The following BICD1 variants were observed in gnomAD, a reference collection of about 807,000 sequenced individuals.
BICD1 encodes the protein BICD cargo adaptor 1.
In BICD1, 35 loss-of-function variants were observed where a neutral mutation model predicts 92.5. The observed-to-expected ratio is 0.38, with a 90% CI of 0.29 to 0.50. The LOEUF is 0.50. BICD1 is among the 20% of genes least tolerant of loss of function. The pLI is 0.93. For missense variants in BICD1, 950 were observed against 1,189.8 expected (o/e 0.80, Z 2.97); for synonymous variants, 429 against 465.1 (o/e 0.92, Z 1.00).
At chr12:32,305,555 A>C in intron 3 of BICD1, 142 bp from the exon 4 acceptor site, 1 of 649,160 alleles carries the variant, frequency 1.5e-6, no homozygotes, top group Non-Finnish European at 2.5e-6. Flanking sequence ...AACTTTAAGG[A>C]TATATTGTGT....
intron 1 of BICD1, among the ~76,000 whole-genome samples, chr12:32,209,741 G>T (rs1592480381): frequency 9.7e-6 from 1 of 102,780 alleles, no homozygotes; most frequent in Admixed American, 9.1e-5. Flanking sequence ...CAGGTTCTAG[G>T]TCACTCCCTC....
chr12:32,107,587 C>T, intron 1 of BICD1, 43 bp downstream of exon 1: 2 of 1,538,246 alleles, frequency 1.3e-6, no homozygotes, highest in South Asian at 1.2e-5. Flanking sequence ...CCTCACTCCC[C>T]CCACCCGCAA....
Position 32,106,962 on chromosome 12 carries a change from A to C in BICD1, c.-370A>C. On this transcript the variant is annotated 5_prime_UTR_variant, in exon 1 of 10. An upstream start codon of the reference 5' UTR is lost. Transcript: ENST00000652176. The stretch of plus-strand genomic sequence containing the variant: ...ACTGCAGTGACGCGGCCCGGGAGAC[A>C]TGGCGGACGGGCGTCTCTGAATAAG... 1 of 234,870 alleles carries C rather than the reference A, an allele frequency of 4.3e-6. No homozygotes were observed. 14.5% of individuals were successfully genotyped at this position (234,870 alleles called of 1,614,324 possible). A position where few individuals can be genotyped will look rare whatever the true frequency, so the allele number is the denominator to read the frequency against.
At chr12:32,237,604 T>G (rs12319221) in intron 2 of BICD1, among the ~76,000 whole-genome samples, 11,238 of 152,186 alleles carry the variant, frequency 0.074, 1,394 homozygotes, top group African/African-American at 0.25. Flanking sequence ...CATTGAACAT[T>G]CTAAAAATCC....
intron 1 of BICD1, among the ~76,000 whole-genome samples, chr12:32,166,881 A>G (rs1017904942): frequency 3.9e-5 from 6 of 152,232 alleles, no homozygotes; most frequent in Non-Finnish European, 7.3e-5. Context: ...TGAAAATTGA[A>G]TAAGAAAACA....
At chr12:32,296,246 GTTT>G (rs373702037) in intron 3 of BICD1, among the ~76,000 whole-genome samples, 35 of 108,668 alleles carry the variant, frequency 3.2e-4, no homozygotes, top group African/African-American at 1.1e-3. Flanking sequence ...ATAAGAAGGG[GTTT>G]TTTTTTGTTT....
chr12:32,220,568 G>A (rs1486690613), intron 2 of BICD1, among the ~76,000 whole-genome samples: 2 of 150,764 alleles, frequency 1.3e-5, no homozygotes, highest in Non-Finnish European at 3.0e-5. Context: ...CAATTAGAAT[G>A]GCAATCATTA....
chr12:32,174,380 G>T (rs1440598399), intron 1 of BICD1, among the ~76,000 whole-genome samples: 2 of 152,006 alleles, frequency 1.3e-5, no homozygotes, highest in African/African-American at 4.8e-5. Context: ...ACATACACCT[G>T]TAGTCCCAAC....
chr12:32,198,284 T>C lies in BICD1; in HGVS notation c.214-17963T>C, dbSNP rs998868536. Among the ~76,000 whole-genome samples the C allele has an allele frequency of 7.6e-5, 11 of 144,216 alleles. No homozygotes were observed. The South Asian group carries it at 2.4e-3, about 31-fold the overall frequency. 94.6% of individuals were successfully genotyped at this position (144,216 alleles called of 152,430 possible). Reference sequence around the variant, plus strand: ...TAAAGTTTTTACGGCACAGACTTTTTAGTAAATCTTATGAGGGGATGATTA... The same window carrying C: ...TAAAGTTTTTACGGCACAGACTTTTCAGTAAATCTTATGAGGGGATGATTA... On this transcript the variant is annotated intron_variant, in intron 1 of 9. Transcript: ENST00000652176.
chr12:32,116,117 G>A (rs1343362787), intron 1 of BICD1, among the ~76,000 whole-genome samples: 2 of 152,032 alleles, frequency 1.3e-5, no homozygotes, highest in African/African-American at 4.8e-5. Flanking sequence ...TTCCTCTTGG[G>A]ATTTAATTAA....
At chr12:32,190,739 C>A (rs968871161) in intron 1 of BICD1, among the ~76,000 whole-genome samples, 3 of 152,112 alleles carry the variant, frequency 2.0e-5, no homozygotes, top group African/African-American at 7.2e-5. Context: ...CATTATAGAC[C>A]AAGTGGACCT....
At chr12:32,274,386 TAGTC>T (rs1487469536) in intron 2 of BICD1, among the ~76,000 whole-genome samples, 1 of 152,206 alleles carries the variant, frequency 6.6e-6, no homozygotes, top group Admixed American at 6.5e-5. Flanking sequence ...CACATTTTGA[TAGTC>T]AGGGTCACAG....
chr12:32,268,031 C>T (rs1038986626), intron 2 of BICD1, among the ~76,000 whole-genome samples: 2 of 152,328 alleles, frequency 1.3e-5, no homozygotes, highest in Non-Finnish European at 2.9e-5. Flanking sequence ...CCTCAAACTC[C>T]TGGCCTTCCT....
At chr12:32,149,263 T>TGAAAA (rs113027708) in intron 1 of BICD1, among the ~76,000 whole-genome samples, 129,134 of 151,706 alleles carry the variant, frequency 0.85, 55,114 homozygotes, top group Admixed American at 0.91. Flanking sequence ...TGGTCATCAA[T>TGAAAA]GATTTTCTCT....
rs147666528 is a variant in BICD1, at chr12:32,244,423, C to T, written c.426+27964C>T. On this transcript the variant is annotated intron_variant, in intron 2 of 9. Coordinates refer to ENST00000652176, the MANE Select transcript of BICD1 (RefSeq NM_001714.4). ...AGCCTTGCCACCTGCTTGCCTGGTA[C>T]CCAATACATATAATCTCTCTTCAGG... Among the ~76,000 whole-genome samples, 3 of 152,156 alleles carry T rather than the reference C, an allele frequency of 2.0e-5. No homozygotes were observed. The East Asian group carries it at 5.8e-4, about 29-fold the overall frequency.
At chr12:32,230,994 A>T (rs1179371117) in intron 2 of BICD1, among the ~76,000 whole-genome samples, 2 of 152,142 alleles carry the variant, frequency 1.3e-5, no homozygotes, top group Non-Finnish European at 2.9e-5. Flanking sequence ...ACTGGAAATA[A>T]TTTTTTCCAT....
At chr12:32,326,452 A>G (rs1948779539) in intron 4 of BICD1, among the ~76,000 whole-genome samples, 1 of 152,216 alleles carries the variant, frequency 6.6e-6, no homozygotes, top group African/African-American at 2.4e-5. Flanking sequence ...TTTTCATCAC[A>G]CGGTAATACT....
In BICD1 at chr12:32,337,752, C is replaced by T. The variant is rs151138129; in HGVS notation, c.2506C>T (p.Leu836Phe). Residue 836 changes from leucine to phenylalanine, a missense_variant, in exon 7 of 10, where the codon CTC becomes TTC. Physicochemically the swap from Leu to Phe is conservative, Grantham distance 22 (BLOSUM62 0). Transcript: ENST00000652176. This position sits in a 1 kb window ranked among gnomAD's most constrained non-coding sequence, Gnocchi z 4.7. Reference protein sequence around the residue: ...SVTVPTIDTYLLHSQGPQTPN... With the variant: ...SVTVPTIDTYFLHSQGPQTPN... Reference sequence around the variant, plus strand: ...CACCGTGCCCACCATAGACACTTACCTCCTGCATAGTCAGGGCCCACAGAC... The same window carrying T: ...CACCGTGCCCACCATAGACACTTACTTCCTGCATAGTCAGGGCCCACAGAC... The T allele has an allele frequency of 6.2e-7, 1 of 1,614,156 alleles. No individual in the cohort carries two copies. The highest frequency in any genetic ancestry group is 8.5e-7 in the Non-Finnish European group (1 of 1,180,026).
At chr12:32,210,806 C>G (rs1945193350) in intron 1 of BICD1, among the ~76,000 whole-genome samples, 1 of 152,202 alleles carries the variant, frequency 6.6e-6, no homozygotes, top group East Asian at 1.9e-4. Flanking sequence ...CACGACTACC[C>G]TATATCTCCT....
Sources: allele counts gnomAD v4.1 joint callset (sites outside exome capture counted in the v4.1 genomes callset), GRCh38; gene constraint gnomAD v4.1.1; non-coding constraint Gnocchi (gnomAD v3.1); transcripts MANE v1.5; gene names NCBI Gene and HGNC (gene_info 2026-07-23, HGNC 2026-07-21).